The following ZBBX variants were observed in gnomAD, a reference collection of about 807,000 sequenced individuals.
ZBBX encodes the protein zinc finger B-box domain containing, also known as zinc finger B-box domain-containing protein 1.
ZBBX carries 101 observed loss-of-function variants against 108.5 expected under a neutral mutation model. The observed-to-expected ratio is 0.93, with a 90% confidence interval of 0.79 to 1.10. The LOEUF is 1.10. ZBBX is among the 50% of genes least tolerant of loss of function. ZBBX has a pLI of 0.00. For missense variants in ZBBX, 1,009 were observed against 941.4 expected (o/e 1.07, Z -0.94); for synonymous variants, 356 against 323.4 (o/e 1.10, Z -1.08).
intron 18 of ZBBX, among the ~76,000 whole-genome samples, chr3:167,297,055 C>T (rs1344800444): frequency 6.6e-6 from 1 of 151,906 alleles, no homozygotes; most frequent in African/African-American, 2.4e-5. Context: ...GGATAAACAA[C>T]CCAGAAATAT....
At chr3:167,322,085 T>A in intron 12 of ZBBX, 32 bp downstream of exon 12, 1 of 1,139,440 alleles carries the variant, frequency 8.8e-7, no homozygotes, top group Non-Finnish European at 1.2e-6. Context: ...AACTTTCATA[T>A]TTCCTAATAG....
the ZBBX span, among the ~76,000 whole-genome samples, chr3:167,201,401 T>C: frequency 3.6e-4 from 55 of 152,130 alleles, no homozygotes; most frequent in South Asian, 0.011. Flanking sequence ...TCTTTCCACA[T>C]ACTAAAATGT....
chr3:167,218,989 CAA>C, the ZBBX span, among the ~76,000 whole-genome samples: 40 of 151,062 alleles, frequency 2.6e-4, no homozygotes, highest in East Asian at 4.7e-3. Flanking sequence ...ATACTTGTAT[CAA>C]AAAAAAAATA....
chr3:167,388,898 T>C (rs1314191227), intron 1 of ZBBX, among the ~76,000 whole-genome samples: 1 of 152,114 alleles, frequency 6.6e-6, no homozygotes, highest in South Asian at 2.1e-4. Context: ...GCATTTCTTT[T>C]ATAATAAGCT....
At chr3:167,406,428 A>T (rs1748588946) in intron 1 of ZBBX, among the ~76,000 whole-genome samples, 1 of 152,140 alleles carries the variant, frequency 6.6e-6, no homozygotes, top group African/African-American at 2.4e-5. Context: ...ACAGTCTTGT[A>T]AGATATTTCC....
At chr3:167,317,418 C>T in intron 13 of ZBBX, 70 bp downstream of exon 13, 1 of 1,180,538 alleles carries the variant, frequency 8.5e-7, no homozygotes, top group Non-Finnish European at 1.2e-6. Flanking sequence ...AAAGCAGATT[C>T]TGATTAATGC....
At chr3:167,249,982 C>T (rs1475982665) in intron 20 of ZBBX, among the ~76,000 whole-genome samples, 1 of 152,142 alleles carries the variant, frequency 6.6e-6, no homozygotes, top group Admixed American at 6.5e-5. Context: ...ATTAAGTTGT[C>T]CATGATCGAC....
chr3:167,365,979 T>C lies in ZBBX; in HGVS notation c.183-3A>G, dbSNP rs1745258704. 6.3e-7 allele frequency: 1 copy of C among 1,593,502 alleles called. No homozygotes were observed. The highest frequency in any genetic ancestry group is 1.3e-5 in the African/African-American group (1 of 74,396). On this transcript the variant is annotated splice_polypyrimidine_tract_variant and splice_region_variant and intron_variant, in intron 5 of 21. Transcript: ENST00000675490. ...ATTTCCAGTAATACTCGCTTGACCT[T>C]TAATATATATAAACAAGATAAAATG...
At chr3:167,375,708 C>A (rs1255131682) in intron 2 of ZBBX, among the ~76,000 whole-genome samples, 1 of 151,450 alleles carries the variant, frequency 6.6e-6, no homozygotes, top group Non-Finnish European at 1.5e-5. Flanking sequence ...TTTTTTCACT[C>A]AAACCTACCT....
rs375095384 is a variant in ZBBX, at chr3:167,327,991, G to A, written c.813C>T (p.Thr271=). The change falls in exon 11 of 22, where the codon ACC becomes ACT. Residue 271 remains threonine (T), a synonymous_variant. Transcript: ENST00000675490. ...GTTTCTTGTTGTCATCATGATTTCC[G>A]GTTCTCCATTGACTTAACACTTCCT... is the stretch of plus-strand genomic sequence containing the variant. ...SFQEVLSQWR[T]GNHDDNKKQN... 1.5e-5 allele frequency: 24 copies of A among 1,610,824 alleles called. No individual in the cohort carries two copies. Among genetic ancestry groups the A allele is most frequent in the African/African-American group, 6.7e-5 (5 of 74,182 alleles).
chr3:167,245,539 C>T (rs1294267167), intron 20 of ZBBX, among the ~76,000 whole-genome samples: 1 of 152,098 alleles, frequency 6.6e-6, no homozygotes, highest in Non-Finnish European at 1.5e-5. Context: ...TGTGTCCCCA[C>T]CCAAATCTCA....
the ZBBX span, among the ~76,000 whole-genome samples, chr3:167,198,708 C>A: frequency 6.6e-6 from 1 of 152,058 alleles, no homozygotes; most frequent in South Asian, 2.1e-4. Context: ...AAATACATAG[C>A]TGTTTTTTGA....
At position 167,240,750 on chromosome 3, in the gene ZBBX, T is replaced by C; in HGVS notation, c.*43A>G. 1 of 1,595,814 alleles carries C rather than the reference T, an allele frequency of 6.3e-7. No homozygotes were observed. The highest frequency in any genetic ancestry group is 8.5e-7 in the Non-Finnish European group (1 of 1,170,844). Reference sequence around the variant, plus strand: ...TGGTTACTTTTCTCAGTTGTTTGCTTTACTCTGGGTACAAAATGGAAACAG... The same window carrying C: ...TGGTTACTTTTCTCAGTTGTTTGCTCTACTCTGGGTACAAAATGGAAACAG... On this transcript the variant is annotated 3_prime_UTR_variant, in exon 22 of 22. Coordinates refer to ENST00000675490, the MANE Select transcript of ZBBX (RefSeq NM_001199201.2).
chr3:167,298,251 A>C, intron 18 of ZBBX, 54 bp downstream of exon 18: 1 of 1,383,816 alleles, frequency 7.2e-7, no homozygotes, highest in East Asian at 2.6e-5. Flanking sequence ...AGAATTGCTC[A>C]GTATTTCCTA....
At chr3:167,228,806 T>G in the ZBBX span, among the ~76,000 whole-genome samples, 1 of 151,796 alleles carries the variant, frequency 6.6e-6, no homozygotes, top group Non-Finnish European at 1.5e-5. Context: ...TGCTGTGAGT[T>G]CCTCATGATT....
the ZBBX span, among the ~76,000 whole-genome samples, chr3:167,191,590 G>T: frequency 3.4e-3 from 517 of 152,106 alleles, 4 homozygotes; most frequent in African/African-American, 0.012. Flanking sequence ...GTCTTTGCCT[G>T]CCCCCATCCA....
chr3:167,348,364 GAAAGA>G (rs1302530831), intron 9 of ZBBX, among the ~76,000 whole-genome samples: 2 of 129,618 alleles, frequency 1.5e-5, no homozygotes, highest in African/African-American at 5.9e-5. Context: ...AAGAAAGAAA[GAAAGA>G]AAAAAAAGAA....
chr3:167,403,032 G>A (rs898824330), intron 1 of ZBBX, among the ~76,000 whole-genome samples: 4 of 152,134 alleles, frequency 2.6e-5, no homozygotes. Flanking sequence ...AGATCTTGGA[G>A]AAACAATGAC....
intron 9 of ZBBX, among the ~76,000 whole-genome samples, chr3:167,339,082 T>C (rs1276348746): frequency 6.6e-6 from 1 of 152,158 alleles, no homozygotes; most frequent in Admixed American, 6.6e-5. Context: ...AGTCGGTAAA[T>C]AGGGCAATGA....
Sources: allele counts gnomAD v4.1 joint callset (sites outside exome capture counted in the v4.1 genomes callset), GRCh38; gene constraint gnomAD v4.1.1; transcripts MANE v1.5; gene names NCBI Gene and HGNC (gene_info 2026-07-23, HGNC 2026-07-21).